MMP26: variants seen among roughly 807,000 people sequenced by gnomAD.
MMP26 encodes the protein matrix metallopeptidase 26, also known as matrix metalloproteinase-26.
MMP26 carries 33 observed loss-of-function variants against 31.0 expected under a neutral mutation model. The observed-to-expected ratio is 1.06, with a 90% CI of 0.81 to 1.42. MMP26 has a LOEUF of 1.42. Among genes scored for constraint, MMP26 ranks in the 40% most tolerant of loss-of-function variants. The pLI, the probability that MMP26 is intolerant of heterozygous loss-of-function variation, is 0.00. For synonymous variants in MMP26, 122 were observed against 114.9 expected, an observed-to-expected ratio of 1.06 and a Z score of -0.40; for missense variants, 347 against 316.1, an observed-to-expected ratio of 1.10 and a Z score of -0.74.
chr11:4,955,763 AG>A (rs1298103251), intron 2 of MMP26: 1 of 1,535,248 alleles, frequency 6.5e-7, no homozygotes, highest in Non-Finnish European at 8.8e-7. Context: ...ACCTGACCTC[AG>A]GTGATCCGCT....
rs777559730 is a variant in MMP26 at position 4,915,653 on chromosome 11, C to G, written c.-144-72415C>G. ...GCTGCTGCTGCTGTTTCCCAGGGAT[C>G]CCAGGGTCATTGTGTGAGGAGACAA... On this transcript the variant is annotated intron_variant, in intron 2 of 7. Transcript: ENST00000380390. 3.7e-6 allele frequency: 6 copies of G among 1,611,206 alleles called. No homozygotes were observed. In the African/African-American group the frequency reaches 8.0e-5, roughly 22 times the overall value.
chr11:4,742,640 T>G (rs1266605176), intron 1 of MMP26, among the ~76,000 whole-genome samples: 2 of 152,198 alleles, frequency 1.3e-5, no homozygotes, highest in Non-Finnish European at 2.9e-5. Flanking sequence ...TTCTCTTTTC[T>G]TGGAGAATCT....
intron 2 of MMP26, among the ~76,000 whole-genome samples, chr11:4,900,385 G>A (rs991262366): frequency 2.6e-5 from 4 of 152,078 alleles, no homozygotes; most frequent in African/African-American, 9.7e-5. Flanking sequence ...CCATTAAGTG[G>A]CCATTTTCTA....
intron 2 of MMP26, among the ~76,000 whole-genome samples, chr11:4,959,721 A>C (rs1846494735): frequency 6.6e-6 from 1 of 152,022 alleles, no homozygotes; most frequent in Non-Finnish European, 1.5e-5. Flanking sequence ...CTTGTCCTCT[A>C]TTGCCCTCAC....
intron 1 of MMP26, chr11:4,756,720 G>A (rs1848508538): frequency 1.3e-5 from 2 of 152,002 alleles, no homozygotes; most frequent in African/African-American, 4.8e-5. Context: ...TATGCTATGT[G>A]AGGGGCAAAT....
At chr11:4,848,000 C>A in intron 2 of MMP26, 1 of 492,008 alleles carries the variant, frequency 2.0e-6, no homozygotes, top group East Asian at 3.2e-5. Context: ...AAGATCTGGA[C>A]TCTGGCCCTT....
intron 2 of MMP26, among the ~76,000 whole-genome samples, chr11:4,851,501 T>A (rs1188293904): frequency 1.3e-5 from 2 of 152,138 alleles, no homozygotes; most frequent in Non-Finnish European, 2.9e-5. Context: ...ACATACTCAA[T>A]ATATGGGTAA....
At chr11:4,896,047 ATTGT>A (rs777912917) in intron 2 of MMP26, among the ~76,000 whole-genome samples, 4 of 146,530 alleles carry the variant, frequency 2.7e-5, no homozygotes, top group East Asian at 2.7e-4. Flanking sequence ...TTGAAACCTT[ATTGT>A]TTGTTTGTTT....
At chr11:4,730,389 C>CTTAGGT (rs1219950006) in intron 1 of MMP26, among the ~76,000 whole-genome samples, 1 of 115,300 alleles carries the variant, frequency 8.7e-6, no homozygotes, top group African/African-American at 3.9e-5. Context: ...TATTTTAACA[C>CTTAGGT]TTAGGTTTCT....
rs1846348943 is a variant in MMP26 at position 4,949,310 on chromosome 11, T to C, written c.-144-38758T>C. Reference sequence around the variant, plus strand: ...AGGATTTTTACATTGTAATCTAGTATTAATTTTCAACTTAATTTACATAAT... The same window carrying C: ...AGGATTTTTACATTGTAATCTAGTACTAATTTTCAACTTAATTTACATAAT... On this transcript the variant is annotated intron_variant, in intron 2 of 7. Transcript: ENST00000380390. Among the ~76,000 whole-genome samples the C allele has an allele frequency of 1.6e-5, 2 of 124,116 alleles. 1 individual carries two copies. The allele number at this position is 124,116 out of a possible 152,430, so 81.4% of individuals were successfully genotyped here.
In MMP26 at chr11:4,947,428, T is replaced by C. The variant is rs1846329717; in HGVS notation, c.-144-40640T>C. 2 of 204,776 alleles carry C rather than the reference T, an allele frequency of 9.8e-6. 1 individual carries two copies. The highest frequency in any genetic ancestry group is 1.4e-4 in the Admixed American group (2 of 14,794). The allele number at this position is 204,776 out of a possible 1,614,324, so 12.7% of individuals were successfully genotyped here. ...TATTAGTAAACGCTGGTCAATTAAC[T>C]GGAATCTTCTATTTCTTGCTCTCAG... is the stretch of plus-strand genomic sequence containing the variant. On this transcript the variant is annotated intron_variant, in intron 2 of 7. Coordinates refer to ENST00000380390, the MANE Select transcript of MMP26 (RefSeq NM_021801.5).
intron 2 of MMP26, among the ~76,000 whole-genome samples, chr11:4,962,631 A>AG (rs1846535561): frequency 6.6e-6 from 1 of 152,198 alleles, no homozygotes; most frequent in African/African-American, 2.4e-5. Flanking sequence ...AGCCAGATCC[A>AG]GGTACGGGAT....
chr11:4,828,276 T>A (rs1849604236), intron 2 of MMP26, among the ~76,000 whole-genome samples: 1 of 152,286 alleles, frequency 6.6e-6, no homozygotes, highest in Non-Finnish European at 1.5e-5. Context: ...CTCAAGGTTT[T>A]CTGGAAGTTT....
At chr11:4,980,061 T>C (rs867864218) in intron 2 of MMP26, among the ~76,000 whole-genome samples, 4 of 152,190 alleles carry the variant, frequency 2.6e-5, no homozygotes, top group Admixed American at 2.0e-4. Flanking sequence ...ACAGGACTGA[T>C]AAAACTTTGG....
intron 2 of MMP26, among the ~76,000 whole-genome samples, chr11:4,982,886 G>A (rs1477271219): frequency 6.6e-6 from 1 of 152,154 alleles, no homozygotes; most frequent in Non-Finnish European, 1.5e-5. Flanking sequence ...AAATGTGTAA[G>A]GTCCAGGTTA....
intron 2 of MMP26, among the ~76,000 whole-genome samples, chr11:4,932,418 C>T (rs565217626): frequency 6.6e-6 from 1 of 152,194 alleles, no homozygotes; most frequent in South Asian, 2.1e-4. Context: ...ATCCTGTTTC[C>T]TGGTATATGC....
intron 2 of MMP26, among the ~76,000 whole-genome samples, chr11:4,867,265 T>C (rs1364015865): frequency 6.6e-6 from 1 of 151,648 alleles, no homozygotes; most frequent in Non-Finnish European, 1.5e-5. Flanking sequence ...CATTAAAAAG[T>C]GGGCAAAGGA....
chr11:4,925,935 G>A (rs1851266299), intron 2 of MMP26, among the ~76,000 whole-genome samples: 1 of 152,146 alleles, frequency 6.6e-6, no homozygotes, highest in Non-Finnish European at 1.5e-5. Flanking sequence ...GGAGGATTAA[G>A]TAAAAAGTTT....
intron 2 of MMP26, among the ~76,000 whole-genome samples, chr11:4,936,144 A>G (rs1479964426): frequency 1.3e-5 from 2 of 148,296 alleles, no homozygotes; most frequent in Non-Finnish European, 3.0e-5. Context: ...ATAGTTTCAG[A>G]AGGAATGGTA....
Sources: gnomAD v4.1 joint callset for allele counts (sites outside exome capture counted in the v4.1 genomes callset) on GRCh38, gnomAD v4.1.1 for gene constraint, MANE v1.5 for transcripts, NCBI Gene and HGNC (gene_info 2026-07-23, HGNC 2026-07-21) for gene names.